Variants in DNAJB13 observed in about 807,000 individuals in gnomAD.
The protein encoded by DNAJB13 is dnaJ homolog subfamily B member 13.
A neutral mutation model predicts 35.6 loss-of-function variants in DNAJB13; 22 were observed. The observed-to-expected ratio is 0.62, with a 90% CI of 0.44 to 0.88. The LOEUF is 0.88. Among genes scored for constraint, DNAJB13 ranks in the 40% least tolerant of loss-of-function variants. The pLI is 0.00. For missense variants in DNAJB13, 370 were observed against 384.3 expected, an observed-to-expected ratio of 0.96 and a Z score of 0.31; for synonymous variants, 136 against 144.2, an observed-to-expected ratio of 0.94 and a Z score of 0.41.
chr11:73,956,021 T>C (rs1049515401), intron 1 of DNAJB13, among the ~76,000 whole-genome samples: 17 of 152,166 alleles, frequency 1.1e-4, no homozygotes, highest in African/African-American at 4.1e-4. Context: ...GTCAGAGCCA[T>C]GCCACAGTGA....
At chr11:73,953,180 T>G (rs1428308832) in intron 1 of DNAJB13, among the ~76,000 whole-genome samples, 2 of 152,090 alleles carry the variant, frequency 1.3e-5, no homozygotes, top group Non-Finnish European at 2.9e-5. Context: ...GAGCTATGAT[T>G]GCACCACTGC....
At chr11:73,968,324 C>T (rs1951179953) in intron 5 of DNAJB13, 21 bp from the exon 6 acceptor site, 1 of 1,611,676 alleles carries the variant, frequency 6.2e-7, no homozygotes, top group Non-Finnish European at 8.5e-7. Flanking sequence ...TCCTTGTCAC[C>T]TTTTGGCGTC....
intron 6 of DNAJB13, 26 bp from the exon 7 acceptor site, chr11:73,969,220 C>T: frequency 1.2e-6 from 1 of 825,270 alleles, no homozygotes; most frequent in Non-Finnish European, 2.1e-6. Flanking sequence ...CTCCTCAGCC[C>T]CACCTTTGGC....
At chr11:73,964,454 C>T (rs1433832017) in intron 3 of DNAJB13, 1 of 221,064 alleles carries the variant, frequency 4.5e-6, no homozygotes, top group Non-Finnish European at 9.1e-6. Flanking sequence ...CTCTCACCTT[C>T]CTGCCGAGGA....
Position 73,965,007 on chromosome 11 carries a change from G to T in DNAJB13, c.464G>T (p.Cys155Phe). The T allele has an allele frequency of 6.3e-7, 1 of 1,594,230 alleles. No homozygotes were observed. Among genetic ancestry groups the T allele is most frequent in the Non-Finnish European group, 8.5e-7 (1 of 1,172,542 alleles). ...YLSLEDLFFG[C>F]TKKIKISRRV... ...TCCCTGGAGGACTTATTCTTTGGCT[G>T]CACCAAAAAAATTAAGATCTCCAGA... The change falls in exon 4 of 8, where the codon TGC (cysteine) becomes TTC (phenylalanine). Residue 155 changes from cysteine to phenylalanine, a missense_variant. Physicochemically the swap from Cys to Phe is radical, Grantham distance 205. Coordinates refer to ENST00000339764, the MANE Select transcript of DNAJB13 (RefSeq NM_153614.4).
intron 1 of DNAJB13, among the ~76,000 whole-genome samples, chr11:73,954,651 T>TA (rs1565167535): frequency 4.6e-5 from 6 of 130,878 alleles, no homozygotes; most frequent in Non-Finnish European, 9.8e-5. Flanking sequence ...ATAAAATAAA[T>TA]AAATAAATAA....
In DNAJB13 at chr11:73,958,389, A is replaced by G; in HGVS notation, c.141A>G (p.Gln47=). The G allele has an allele frequency of 1.2e-6, 2 of 1,614,132 alleles. No individual in the cohort carries two copies. Among genetic ancestry groups the G allele is most frequent in the Non-Finnish European group, 1.7e-6 (2 of 1,180,004 alleles). ...NEPSSAEIFR[Q]IAEAYDVLSD... ...CGTCTTCAGCAGAGATTTTCAGGCA[A>G]ATAGCAGAGGCCTACGACGTGCTGA... The change falls in exon 2 of 8, where the codon CAA becomes CAG. Residue 47 remains glutamine, a synonymous_variant. Transcript: ENST00000339764.
At chr11:73,957,964 G>C (rs530166356) in intron 1 of DNAJB13, among the ~76,000 whole-genome samples, 1 of 152,310 alleles carries the variant, frequency 6.6e-6, no homozygotes, top group East Asian at 1.9e-4. Flanking sequence ...GAGCAGCTCA[G>C]CCAGCCTCTG....
At chr11:73,958,798 G>C (rs983097663) in intron 2 of DNAJB13, among the ~76,000 whole-genome samples, 2 of 152,228 alleles carry the variant, frequency 1.3e-5, no homozygotes, top group Non-Finnish European at 2.9e-5. Flanking sequence ...CCCTCCCAGA[G>C]GTCCTTCCCA....
intron 1 of DNAJB13, among the ~76,000 whole-genome samples, chr11:73,954,189 A>G (rs1315689272): frequency 6.6e-6 from 1 of 151,006 alleles, no homozygotes; most frequent in Non-Finnish European, 1.5e-5. Flanking sequence ...AGCCAGGTGT[A>G]GTGGCGCATG....
intron 3 of DNAJB13, among the ~76,000 whole-genome samples, chr11:73,961,543 G>T (rs769875308): frequency 1.3e-5 from 2 of 152,202 alleles, no homozygotes; most frequent in Non-Finnish European, 2.9e-5. Flanking sequence ...AAAGGCTGCT[G>T]CAGAAAAACC....
rs144741417 is a variant in DNAJB13 at position 73,958,354 on chromosome 11, T to G, written c.106T>G (p.Ser36Ala). The G allele has an allele frequency of 1.3e-4, 202 of 1,613,966 alleles. No homozygotes were observed. Among genetic ancestry groups the G allele is most frequent in the Non-Finnish European group, 1.6e-4 (190 of 1,180,034 alleles). The change falls in exon 2 of 8, where the codon TCA becomes GCA. Residue 36 changes from serine (S) to alanine (A), a missense_variant. Transcript: ENST00000339764. ...CGCCCTTAAGCACCACCCGTTGAAGTCAAATGAGCCGTCTTCAGCAGAGAT... is the reference window on the plus strand; with the variant it reads ...CGCCCTTAAGCACCACCCGTTGAAGGCAAATGAGCCGTCTTCAGCAGAGAT... The part of the protein sequence containing the change: ...RLALKHHPLK[S>A]NEPSSAEIFR...
At chr11:73,963,492 G>C (rs145094122) in intron 3 of DNAJB13, among the ~76,000 whole-genome samples, 255 of 152,322 alleles carry the variant, frequency 1.7e-3, no homozygotes, top group African/African-American at 5.9e-3. Flanking sequence ...GTCAGGCTCA[G>C]GGTCTGGGCT....
intron 6 of DNAJB13, 57 bp downstream of exon 6, chr11:73,968,515 C>A: frequency 6.7e-7 from 1 of 1,482,862 alleles, no homozygotes; most frequent in Non-Finnish European, 9.3e-7. Context: ...CCCTGCCTGC[C>A]CCGGCCTAGA....
At chr11:73,954,773 A>T (rs1950695157) in intron 1 of DNAJB13, among the ~76,000 whole-genome samples, 1 of 151,884 alleles carries the variant, frequency 6.6e-6, no homozygotes, top group African/African-American at 2.4e-5. Context: ...CTGGCCAACA[A>T]GGTAAAACCC....
intron 4 of DNAJB13, 199 bp downstream of exon 4, chr11:73,965,234 C>T: frequency 3.5e-6 from 2 of 565,704 alleles, no homozygotes; most frequent in Admixed American, 7.6e-5. Flanking sequence ...CGGTTCTTTC[C>T]TAGTGCAGGA....
chr11:73,969,996 T>A lies in DNAJB13; in HGVS notation c.833T>A (p.Met278Lys). 2 of 1,611,706 alleles carry A rather than the reference T, an allele frequency of 1.2e-6. No individual in the cohort carries two copies. The highest frequency in any genetic ancestry group is 1.7e-6 in the Non-Finnish European group (2 of 1,178,834). Residue 278 changes from methionine (M) to lysine (K), a missense_variant, in exon 8 of 8, where the codon ATG becomes AAG. Physicochemically the swap from Met to Lys is moderately conservative, Grantham distance 95. Transcript: ENST00000339764. ...TTCAAGAAGGTGCCAGGGGAGGGGA[T>A]GCCATTGCCGGAGGACCCCACTAAG... ...KYFKKVPGEG[M>K]PLPEDPTKKG...
intron 3 of DNAJB13, 170 bp downstream of exon 3, chr11:73,959,825 G>T: frequency 1.7e-6 from 1 of 582,878 alleles, no homozygotes; most frequent in Non-Finnish European, 2.5e-6. Flanking sequence ...TGCAGTAGTG[G>T]GATCATGGCT....
intron 1 of DNAJB13, among the ~76,000 whole-genome samples, chr11:73,952,291 A>T (rs1950606611): frequency 2.0e-5 from 3 of 152,228 alleles, no homozygotes; most frequent in Admixed American, 2.0e-4. Context: ...GAGGGTGAAG[A>T]AAAGAGGAGT....
Sources: gnomAD v4.1 joint callset for allele counts (sites outside exome capture counted in the v4.1 genomes callset) on GRCh38, gnomAD v4.1.1 for gene constraint, MANE v1.5 for transcripts, NCBI Gene and HGNC (gene_info 2026-07-23, HGNC 2026-07-21) for gene names.